The following TTN variants were observed in gnomAD, a reference collection of about 807,000 sequenced individuals.
TTN encodes the protein connectin.
A neutral mutation model predicts 3,223.0 loss-of-function variants in TTN; 1,525 were observed. That is an observed-to-expected ratio of 0.47 (90% CI 0.45 to 0.49). The LOEUF (loss-of-function observed/expected upper bound fraction) is 0.49. TTN is among the 20% of genes least tolerant of loss of function. The pLI, the probability that TTN is intolerant of heterozygous loss-of-function variation, is 0.00. For missense variants in TTN, 40,786 were observed against 43,424.0 expected (o/e 0.94, Z 5.40); for synonymous variants, 14,094 against 15,161.0 (o/e 0.93, Z 5.17).
Position 178,764,830 on chromosome 2 carries a change from A to G in TTN, c.9704-19T>C, listed in dbSNP as rs770264515. On this transcript the variant is annotated intron_variant, in intron 41 of 362. Coordinates refer to ENST00000589042, the MANE Select transcript of TTN (RefSeq NM_001267550.2). ...TCAGGAGCTAGGAGTAAATGTTGAC[A>G]AATAGCCCATGAAAAAGTGTAAAAA... is the stretch of plus-strand genomic sequence containing the variant. The G allele has an allele frequency of 1.9e-6, 3 of 1,611,888 alleles. No individual in the cohort carries two copies. The African/African-American group carries it at 4.0e-5, about 22-fold the overall frequency.
In TTN at chr2:178,535,442, T is replaced by C. The variant is rs878900245; in HGVS notation, c.101173A>G (p.Ile33725Val). Residue 33725 changes from isoleucine to valine, a missense_variant, in exon 358 of 363, where the codon ATT (isoleucine) becomes GTT (valine). Coordinates refer to ENST00000589042, the MANE Select transcript of TTN (RefSeq NM_001267550.2). ...SDGGSKITNY[I>V]VEKCATTAER... ...GCAGTAGTTGCACATTTTTCAACAA[T>C]GTAGTTGGTGATTTTGCTGCCACCA... is the stretch of plus-strand genomic sequence containing the variant. 31 of 1,613,846 alleles carry C rather than the reference T, an allele frequency of 1.9e-5. No homozygotes were observed. Among genetic ancestry groups the C allele is most frequent in the Non-Finnish European group, 2.4e-5 (28 of 1,179,848 alleles).
Position 178,537,415 on chromosome 2 carries a change from A to T in TTN, c.99792T>A (p.His33264Gln). ...TGAGCTGGACTTTGTATTTCCCAGCATGAGTCTTACGTTGGACATTCTTCA... is the reference window on the plus strand; with the variant it reads ...TGAGCTGGACTTTGTATTTCCCAGCTTGAGTCTTACGTTGGACATTCTTCA... ...LVMKNVQRKT[H>Q]AGKYKVQLSN... Residue 33264 changes from histidine (H) to glutamine (Q), a missense_variant, in exon 355 of 363, where the codon CAT becomes CAA. His to Gln is a conservative substitution (Grantham distance 24). Coordinates refer to ENST00000589042, the MANE Select transcript of TTN (RefSeq NM_001267550.2). The T allele has an allele frequency of 6.2e-7, 1 of 1,610,910 alleles. No homozygotes were observed. The highest frequency in any genetic ancestry group is 1.1e-5 in the South Asian group (1 of 90,770).
At position 178,580,098 on chromosome 2, in the gene TTN, C is replaced by T. The variant is rs1163846592; in HGVS notation, c.67189G>A (p.Glu22397Lys). ...INYVVQKRDA[E>K]RKSWSTVTTE... is the part of the protein sequence containing the mutation. ...GTCACTGTAGACCAGGATTTCCTCT[C>T]TGCATCACGTTTTTGTACCACATAG... The change falls in exon 318 of 363, where the codon GAG becomes AAG. Residue 22397 changes from glutamate to lysine, a missense_variant. By Grantham distance (56) the Glu-to-Lys change is moderately conservative. Transcript: ENST00000589042. The T allele has an allele frequency of 6.8e-6, 11 of 1,613,266 alleles. No individual in the cohort carries two copies. The highest frequency in any genetic ancestry group is 9.3e-6 in the Non-Finnish European group (11 of 1,179,502).
rs751610164 is a variant in TTN, at chr2:178,551,179, C to T, written c.91352G>A (p.Gly30451Asp). Reference protein sequence around the residue: ...LKWNPPLRDGGSKIVGYSIEK... With the variant: ...LKWNPPLRDGDSKIVGYSIEK... ...AATGCTATAGCCCACAATCTTACTG[C>T]CTCCATCACGCAATGGTGGGTTCCA... Residue 30451 changes from glycine (G) to aspartate (D), a missense_variant, in exon 336 of 363, where the codon GGC (glycine) becomes GAC (aspartate). Transcript: ENST00000589042. The T allele has an allele frequency of 3.1e-5, 50 of 1,613,470 alleles. No homozygotes were observed. Among genetic ancestry groups the T allele is most frequent in the Admixed American group, 1.0e-4 (6 of 59,968 alleles).
rs747054427 is a variant in TTN at position 178,751,556 on chromosome 2, C to T, written c.11311+1568G>A. ...TAAAGCCTCCACATTTTCATGTGTC[C>T]GTTCTGCTCTTTTCAGAAATTCTAA... On this transcript the variant is annotated intron_variant, in intron 47 of 362. Transcript: ENST00000589042. 5.3e-5 allele frequency: 86 copies of T among 1,613,030 alleles called. No individual in the cohort carries two copies. The highest frequency in any genetic ancestry group is 1.6e-4 in the Middle Eastern group (1 of 6,074).
intron 212 of TTN, 83 bp downstream of exon 212, chr2:178,649,471 C>T: frequency 7.0e-7 from 1 of 1,433,054 alleles, no homozygotes; most frequent in Non-Finnish European, 9.4e-7. Context: ...AGTTATGCAA[C>T]AACAATGAGG....
In TTN at chr2:178,636,790, T is replaced by C; in HGVS notation, c.40937A>G (p.Lys13646Arg). Residue 13646 changes from lysine to arginine, a missense_variant, in exon 225 of 363, where the codon AAA becomes AGA. By Grantham distance (26) the Lys-to-Arg change is conservative. Transcript: ENST00000589042. This position sits in a 1 kb window ranked among gnomAD's most constrained non-coding sequence, Gnocchi z 4.3. ...GGCTTCTATTGGTGAAGGAGTCTTT[T>C]TGGGTACACCTAATTCAAAGTAAAA... is the stretch of plus-strand genomic sequence containing the variant. ...KPKGPIKGVP[K>R]KTPSPIEAER... is the part of the protein sequence containing the mutation. 1 of 1,592,108 alleles carries C rather than the reference T, an allele frequency of 6.3e-7. No homozygotes were observed. Among genetic ancestry groups the C allele is most frequent in the South Asian group, 1.1e-5 (1 of 87,514 alleles).
At chr2:178,633,153 C>G (rs751006474) in intron 233 of TTN, 34 bp downstream of exon 233, 1 of 1,604,568 alleles carries the variant, frequency 6.2e-7, no homozygotes, top group Non-Finnish European at 8.5e-7. Flanking sequence ...ACCAAGCAAC[C>G]CCTCTCCTAT....
chr2:178,630,312 C>A lies in TTN; in HGVS notation c.44210G>T (p.Arg14737Leu), dbSNP rs373298007. 6.9e-5 allele frequency: 111 copies of A among 1,612,972 alleles called. No individual in the cohort carries two copies. In the East Asian group the frequency reaches 2.1e-3, roughly 31 times the overall value. Residue 14737 changes from arginine to leucine, a missense_variant, in exon 239 of 363, where the codon CGC becomes CTC. By Grantham distance (102) the Arg-to-Leu change is moderately radical (BLOSUM62 -2). Coordinates refer to ENST00000589042, the MANE Select transcript of TTN (RefSeq NM_001267550.2). The stretch of plus-strand genomic sequence containing the variant: ...ATCCACCCCACCCGTCTGGTCCAGG[C>A]GACAGTTGTGCAAAACAAGGGAGTG... ...KIHSLVLHNC[R>L]LDQTGGVDFQ...
At position 178,777,401 on chromosome 2, in the gene TTN, T is replaced by G. The variant is rs773772445; in HGVS notation, c.4645+19A>C. On this transcript the variant is annotated intron_variant, in intron 26 of 362. Coordinates refer to ENST00000589042, the MANE Select transcript of TTN (RefSeq NM_001267550.2). ...AAGTGATAAGAAAATTCATTTATTT[T>G]TATTTTATCTCATTTTACCTTCCAC... 1 of 1,611,866 alleles carries G rather than the reference T, an allele frequency of 6.2e-7. No individual in the cohort carries two copies. Among genetic ancestry groups the G allele is most frequent in the Non-Finnish European group, 8.5e-7 (1 of 1,178,930 alleles).
chr2:178,630,111 A>C, intron 239 of TTN, 130 bp downstream of exon 239: 1 of 1,341,814 alleles, frequency 7.5e-7, no homozygotes, highest in South Asian at 1.4e-5. Flanking sequence ...AAAGTGGCAA[A>C]TACAAGAGAG....
At position 178,548,593 on chromosome 2, in the gene TTN, C is replaced by A. The variant is rs1183481814; in HGVS notation, c.93033G>T (p.Val31011=). 4 of 1,613,868 alleles carry A rather than the reference C, an allele frequency of 2.5e-6. No individual in the cohort carries two copies. The highest frequency in any genetic ancestry group is 4.5e-5 in the East Asian group (2 of 44,884). The part of the protein sequence containing the change: ...NSGSKSITFT[V]KVLDTPGPPG... ...GTGGGCCTGGAGTGTCTAGCACTTTCACGGTGAATGTGATTGACTTACTAC... is the reference window on the plus strand; with the variant it reads ...GTGGGCCTGGAGTGTCTAGCACTTTAACGGTGAATGTGATTGACTTACTAC... Residue 31011 remains valine (V), a synonymous_variant, in exon 339 of 363, where the codon GTG becomes GTT. Transcript: ENST00000589042. This position sits in a 1 kb window ranked among gnomAD's most constrained non-coding sequence, Gnocchi z 4.3.
In TTN at chr2:178,611,738, GTA is replaced by G; in HGVS notation, c.50551+18_50551+19del. The G allele has an allele frequency of 2.5e-6, 4 of 1,611,380 alleles. No homozygotes were observed. The South Asian group carries it at 4.4e-5, about 18-fold the overall frequency. ...CATCAAGTTCTAGACAATATCTTGTGTATAATCAGCACTACTTACTTGTTGGA... is the reference window on the plus strand; with the variant it reads ...CATCAAGTTCTAGACAATATCTTGTGTAATCAGCACTACTTACTTGTTGGA... On this transcript the variant is annotated intron_variant, in intron 268 of 362. Coordinates refer to ENST00000589042, the MANE Select transcript of TTN (RefSeq NM_001267550.2).
intron 117 of TTN, 35 bp downstream of exon 117, chr2:178,694,564 T>A (rs2073227743): frequency 6.6e-7 from 1 of 1,515,256 alleles, no homozygotes; most frequent in Non-Finnish European, 8.9e-7. Flanking sequence ...AATAAAAAAA[T>A]TTTGAACTTG....
intron 47 of TTN, chr2:178,748,257 A>T (rs2084261150): frequency 1.9e-6 from 3 of 1,612,858 alleles, no homozygotes; most frequent in Non-Finnish European, 2.5e-6. Context: ...TCAGTTTTTA[A>T]AATGTCTAAG....
intron 152 of TTN, 136 bp downstream of exon 152, chr2:178,673,497 G>A: frequency 3.6e-6 from 2 of 558,692 alleles, no homozygotes; most frequent in Non-Finnish European, 6.0e-6. Flanking sequence ...GAAATGGAAT[G>A]AGTTATATTT....
chr2:178,562,411 A>T lies in TTN; in HGVS notation c.83721T>A (p.Ser27907Arg), dbSNP rs1225294822. ...GYVVEMQTKG[S>R]EKWSTCTQVK... The stretch of plus-strand genomic sequence containing the variant: ...CTTGTGTGCAGGTGCTCCACTTTTC[A>T]CTCCCTTTAGTCTGCATTTCAACCA... Residue 27907 changes from serine (S) to arginine (R), a missense_variant, in exon 326 of 363, where the codon AGT (serine) becomes AGA (arginine). Physicochemically the swap from Ser to Arg is moderately radical, Grantham distance 110 (BLOSUM62 -1). Coordinates refer to ENST00000589042, the MANE Select transcript of TTN (RefSeq NM_001267550.2). 1 of 1,611,470 alleles carries T rather than the reference A, an allele frequency of 6.2e-7. No homozygotes were observed. The highest frequency in any genetic ancestry group is 8.5e-7 in the Non-Finnish European group (1 of 1,179,214).
rs758622900 is a variant in TTN at position 178,724,070 on chromosome 2, C to T, written c.21189G>A (p.Leu7063=). 4.2e-5 allele frequency: 67 copies of T among 1,613,294 alleles called. No homozygotes were observed. The highest frequency in any genetic ancestry group is 8.3e-5 in the Admixed American group (5 of 59,936). ...GTGATGATCCAGCTACTTTGCATTCCAAGATGCAAGAAGCACCTAACACCC... is the reference window on the plus strand; with the variant it reads ...GTGATGATCCAGCTACTTTGCATTCTAAGATGCAAGAAGCACCTAACACCC... ...TGGVLGASCI[L]ECKVAGSSPI... is the part of the protein sequence containing the mutation. Residue 7063 remains leucine, a synonymous_variant, in exon 73 of 363, where the codon TTG becomes TTA. Transcript: ENST00000589042.
Position 178,604,895 on chromosome 2 carries a change from C to G in TTN, c.54194G>C (p.Arg18065Pro), listed in dbSNP as rs375895183. ...FRNVHVEVYD[R>P]PSPPRNLAVT... ...AGCAAGATTTCTTGGTGGGGATGGGCGGTCTGGAAAGGAATCAACAGAGAA... is the reference window on the plus strand; with the variant it reads ...AGCAAGATTTCTTGGTGGGGATGGGGGGTCTGGAAAGGAATCAACAGAGAA... The change falls in exon 281 of 363, where the codon CGC becomes CCC. Residue 18065 changes from arginine to proline, a missense_variant. Coordinates refer to ENST00000589042, the MANE Select transcript of TTN (RefSeq NM_001267550.2). The G allele has an allele frequency of 6.2e-7, 1 of 1,610,054 alleles. No individual in the cohort carries two copies. The highest frequency in any genetic ancestry group is 8.5e-7 in the Non-Finnish European group (1 of 1,178,066).
Sources: allele counts gnomAD v4.1 joint callset, GRCh38; gene constraint gnomAD v4.1.1; non-coding constraint Gnocchi (gnomAD v3.1); transcripts MANE v1.5; gene names NCBI Gene and HGNC (gene_info 2026-07-23, HGNC 2026-07-21).